GUCD1: variants seen among roughly 807,000 people sequenced by gnomAD.
GUCD1 encodes the protein protein GUCD1.
GUCD1 carries 17 observed loss-of-function variants against 28.3 expected under a neutral mutation model. The ratio of observed to expected loss-of-function variants is 0.60; its 90% CI spans 0.41 to 0.90. GUCD1 has a LOEUF of 0.90. Ranked by LOEUF, GUCD1 falls within the 40% of genes least tolerant of loss-of-function variation. The probability of loss-of-function intolerance (pLI) is 0.00; values close to 1 mark genes in which losing one functional copy is unlikely to be tolerated. For missense variants in GUCD1, 279 were observed against 305.5 expected (o/e 0.91, Z 0.65); for synonymous variants, 129 against 123.3 (o/e 1.05, Z -0.30).
chr22:24,543,714 G>T (rs371822122), intron 5 of GUCD1, 128 bp downstream of exon 5: 99 of 1,216,786 alleles, frequency 8.1e-5, no homozygotes, highest in Non-Finnish European at 1.1e-4. Context: ...AGGAGCAGGG[G>T]CTTTGGGGAA....
At chr22:24,555,651 G>A (rs1454311773), upstream of GUCD1, 4 of 1,550,576 alleles carry the variant, frequency 2.6e-6, no homozygotes, top group South Asian at 2.4e-5. Context: ...AATTGTGACG[G>A]GAAGTCCTGG....
chr22:24,548,906 G>A lies in GUCD1; in HGVS notation c.128+11C>T. On this transcript the variant is annotated intron_variant, in intron 2 of 5. Transcript: ENST00000435822. ...GGAAGCACCTGGGCCCCCAGCCCTG[G>A]CCCCACTCACCGCAGCACCATCCTG... is the stretch of plus-strand genomic sequence containing the variant. 13 of 1,561,742 alleles carry A rather than the reference G, an allele frequency of 8.3e-6. 1 individual carries two copies. In the South Asian group the frequency reaches 1.5e-4, roughly 18 times the overall value.
At chr22:24,547,872 G>A (rs2147084503) in intron 3 of GUCD1, 36 bp downstream of exon 3, 1 of 1,610,390 alleles carries the variant, frequency 6.2e-7, no homozygotes. Context: ...CCTCTGTGTG[G>A]CCCCACATGG....
chr22:24,551,938 G>A (rs1273006424), intron 1 of GUCD1, among the ~76,000 whole-genome samples: 1 of 152,226 alleles, frequency 6.6e-6, no homozygotes, highest in East Asian at 1.9e-4. Flanking sequence ...AAGTCAGGAG[G>A]GCTCTGCCCT....
At chr22:24,549,355 C>T (rs971290636) in intron 1 of GUCD1, among the ~76,000 whole-genome samples, 8 of 152,060 alleles carry the variant, frequency 5.3e-5, no homozygotes, top group African/African-American at 1.9e-4. Flanking sequence ...TCTGCCTGGA[C>T]ATACCTGGCT....
intron 2 of GUCD1, 139 bp downstream of exon 2, chr22:24,548,778 A>C (rs2044794187): frequency 1.6e-6 from 1 of 624,524 alleles, no homozygotes. Flanking sequence ...TGGGACTAGG[A>C]CCAGGTAGAA....
At chr22:24,555,160 C>A (rs917374414), upstream of GUCD1, 148 of 1,311,924 alleles carry the variant, frequency 1.1e-4, no homozygotes, top group Middle Eastern at 2.9e-4. Flanking sequence ...AGCGCCGCCC[C>A]AGCCCTTCCA....
At chr22:24,545,386 A>G (rs1157767641) in intron 4 of GUCD1, among the ~76,000 whole-genome samples, 1 of 152,178 alleles carries the variant, frequency 6.6e-6, no homozygotes, top group East Asian at 1.9e-4. Flanking sequence ...GCTTCAAGGA[A>G]TAACAAGCAT....
chr22:24,545,599 C>T (rs1017730633), intron 4 of GUCD1, among the ~76,000 whole-genome samples: 2 of 150,246 alleles, frequency 1.3e-5, no homozygotes, highest in Admixed American at 1.3e-4. Context: ...GAGATCCCAC[C>T]CCACTATATT....
At chr22:24,544,596 G>A (rs2044678700) in intron 4 of GUCD1, among the ~76,000 whole-genome samples, 1 of 152,156 alleles carries the variant, frequency 6.6e-6, no homozygotes, top group South Asian at 2.1e-4. Context: ...CCCAGGAAGG[G>A]CTGGGCCACA....
At chr22:24,555,625 C>T (rs759703475), upstream of GUCD1, 9 of 1,550,546 alleles carry the variant, frequency 5.8e-6, no homozygotes, top group Non-Finnish European at 7.8e-6. Flanking sequence ...CTGGCGGTGC[C>T]GGGATCAACA....
At chr22:24,555,610 C>T (rs1345368714), upstream of GUCD1, 2 of 1,550,524 alleles carry the variant, frequency 1.3e-6, no homozygotes, top group Non-Finnish European at 1.7e-6. Context: ...CAGGGCCCCC[C>T]TTACCTGGCG....
rs1185106507 is a variant in GUCD1, at chr22:24,549,598, G to A, written c.44-597C>T. 2.0e-5 allele frequency among the ~76,000 whole-genome samples: 3 copies of A among 151,998 alleles called. No individual in the cohort carries two copies. The East Asian group carries it at 5.8e-4, about 29-fold the overall frequency. ...ATGATCTCGGCTCACTGCAACCTGC[G>A]ATTCCCGGGTGGCAAGTAATTCTCC... On this transcript the variant is annotated intron_variant, in intron 1 of 5. Coordinates refer to ENST00000435822, the MANE Select transcript of GUCD1 (RefSeq NM_001284254.2).
Position 24,548,933 on chromosome 22 carries a change from A to G in GUCD1, c.112T>C (p.Ser38Pro). ...CCCACTCACCGCAGCACCATCCTGGAGCAGGCCAGGCCACAGTCCCAGTGG... is the reference window on the plus strand; with the variant it reads ...CCCACTCACCGCAGCACCATCCTGGGGCAGGCCAGGCCACAGTCCCAGTGG... The part of the protein sequence containing the change: ...LYHWDCGLAC[S>P]RMVLRYLGQL... The change falls in exon 2 of 6, where the codon TCC (serine) becomes CCC (proline). Residue 38 changes from serine to proline, a missense_variant. Transcript: ENST00000435822. 6.3e-7 allele frequency: 1 copy of G among 1,581,720 alleles called. No individual in the cohort carries two copies. The highest frequency in any genetic ancestry group is 8.6e-7 in the Non-Finnish European group (1 of 1,163,530).
chr22:24,551,509 A>C (rs2044874185), intron 1 of GUCD1, among the ~76,000 whole-genome samples: 1 of 152,048 alleles, frequency 6.6e-6, no homozygotes. Flanking sequence ...GGCTGCCCTC[A>C]CCTGTGGTCT....
intron 1 of GUCD1, 115 bp from the exon 2 acceptor site, chr22:24,549,116 C>T: frequency 1.5e-6 from 1 of 659,146 alleles, no homozygotes. Context: ...TGCTCAGGGA[C>T]CTTCCCACAA....
intron 2 of GUCD1, 27 bp from the exon 3 acceptor site, chr22:24,548,100 A>G: frequency 6.2e-7 from 1 of 1,607,800 alleles, no homozygotes; most frequent in South Asian, 1.1e-5. Flanking sequence ...TGGGGAGCTC[A>G]GCTTGGTCTT....
intron 1 of GUCD1, among the ~76,000 whole-genome samples, chr22:24,553,715 G>A (rs1466110347): frequency 6.6e-6 from 1 of 152,232 alleles, no homozygotes; most frequent in Non-Finnish European, 1.5e-5. Context: ...TGTGGCACAA[G>A]ACAGCAGCTC....
At chr22:24,555,200 C>A (rs936265807), upstream of GUCD1, 36 of 1,309,832 alleles carry the variant, frequency 2.7e-5, no homozygotes, top group Admixed American at 2.3e-4. Flanking sequence ...CCGCCCCCTC[C>A]TTAGGCCCCG....
Sources: gnomAD v4.1 joint callset for allele counts (sites outside exome capture counted in the v4.1 genomes callset) on GRCh38, gnomAD v4.1.1 for gene constraint, MANE v1.5 for transcripts, NCBI Gene and HGNC (gene_info 2026-07-23, HGNC 2026-07-21) for gene names.